Variants in TBL1X observed in about 807,000 individuals in gnomAD.
TBL1X encodes F-box-like/WD repeat-containing protein TBL1X.
Under a neutral mutation model 50.7 loss-of-function variants are expected in TBL1X, and 10 were observed. The ratio of observed to expected loss-of-function variants is 0.20; its 90% CI spans 0.12 to 0.33. The LOEUF is 0.33. TBL1X is among the 10% of genes least tolerant of loss of function. TBL1X has a pLI of 1.00. For synonymous variants in TBL1X, 190 were observed against 214.7 expected (o/e 0.88, Z 1.01); for missense variants, 340 against 504.4 (o/e 0.67, Z 3.12).
Position 9,543,635 on chromosome X carries a change from A to G in TBL1X, c.-131+41786A>G, listed in dbSNP as rs190885760. Among the ~76,000 whole-genome samples the G allele has an allele frequency of 1.3e-4, 15 of 111,708 alleles. No homozygotes were observed. The East Asian group carries it at 3.4e-3, about 25-fold the overall frequency. On this transcript the variant is annotated intron_variant, in intron 2 of 17. Coordinates refer to ENST00000645353, the MANE Select transcript of TBL1X (RefSeq NM_005647.4). Reference sequence around the variant, plus strand: ...CCTTGATGGCTCTCCTGTTTCGGGTATAAGGGATGTTGTCCAAACCATGTG... The same window carrying G: ...CCTTGATGGCTCTCCTGTTTCGGGTGTAAGGGATGTTGTCCAAACCATGTG...
At chrX:9,686,567 C>T (rs1282883438) in intron 6 of TBL1X, among the ~76,000 whole-genome samples, 7 of 112,261 alleles carry the variant, frequency 6.2e-5, no homozygotes, top group Non-Finnish European at 9.4e-5. Context: ...GGTGCAGTGG[C>T]ACATGCTCGT....
intron 2 of TBL1X, among the ~76,000 whole-genome samples, chrX:9,590,910 C>T (rs762470296): frequency 1.9e-5 from 2 of 104,998 alleles, no homozygotes; most frequent in East Asian, 3.0e-4. Flanking sequence ...CACAGAACAG[C>T]GGGCGGACAC....
At chrX:9,654,585 C>T (rs1169733172) in intron 5 of TBL1X, among the ~76,000 whole-genome samples, 3 of 111,335 alleles carry the variant, frequency 2.7e-5, no homozygotes, top group East Asian at 2.8e-4. Context: ...GTGGAAAGGA[C>T]GGAAGCAGTG....
At chrX:9,512,523 T>G (rs1344162950) in intron 2 of TBL1X, among the ~76,000 whole-genome samples, 3 of 109,916 alleles carry the variant, frequency 2.7e-5, no homozygotes, top group Non-Finnish European at 5.7e-5. Flanking sequence ...GGTTTTTTTT[T>G]GGGAGATGGA....
chrX:9,618,787 A>T (rs1395530206), intron 2 of TBL1X, among the ~76,000 whole-genome samples: 1 of 112,791 alleles, frequency 8.9e-6, no homozygotes, highest in Non-Finnish European at 1.9e-5. Flanking sequence ...TAAGAAAAAA[A>T]CTATGTGCAT....
chrX:9,482,176 T>C (rs1196408953), intron 1 of TBL1X, among the ~76,000 whole-genome samples: 1 of 112,437 alleles, frequency 8.9e-6, no homozygotes, highest in Non-Finnish European at 1.9e-5. Context: ...ATTTCTAACT[T>C]GGCCTCAATA....
chrX:9,701,822 G>C (rs1300318283), intron 12 of TBL1X, among the ~76,000 whole-genome samples: 1 of 111,368 alleles, frequency 9.0e-6, no homozygotes, highest in Non-Finnish European at 1.9e-5. Flanking sequence ...TTGCTGTTTA[G>C]CTCAGGCGAT....
Position 9,510,893 on chromosome X carries a change from A to G in TBL1X, c.-131+9044A>G, listed in dbSNP as rs145835219. On this transcript the variant is annotated intron_variant, in intron 2 of 17. Coordinates refer to ENST00000645353, the MANE Select transcript of TBL1X (RefSeq NM_005647.4). ...AAGTTTGGGCTTGCCGGCCTCCACAATTGTGTGAACCAGTTCCTTAGAATC... is the reference window on the plus strand; with the variant it reads ...AAGTTTGGGCTTGCCGGCCTCCACAGTTGTGTGAACCAGTTCCTTAGAATC... 5.1e-3 allele frequency among the ~76,000 whole-genome samples: 569 copies of G among 111,433 alleles called. 1 individual carries two copies. The highest frequency in any genetic ancestry group is 9.0e-3 in the Non-Finnish European group (478 of 53,079).
At chrX:9,487,867 C>T (rs1315969018) in intron 1 of TBL1X, among the ~76,000 whole-genome samples, 4 of 111,048 alleles carry the variant, frequency 3.6e-5, no homozygotes, top group African/African-American at 1.3e-4. Context: ...TGTGGTGTTC[C>T]TTCCAGAGCT....
chrX:9,678,583 A>G (rs768186279), intron 5 of TBL1X, among the ~76,000 whole-genome samples: 2 of 112,712 alleles, frequency 1.8e-5, no homozygotes, highest in African/African-American at 3.2e-5. Context: ...TTAATGTTAC[A>G]AATTGATACC....
intron 1 of TBL1X, among the ~76,000 whole-genome samples, chrX:9,500,373 T>A (rs1332440803): frequency 9.4e-6 from 1 of 106,597 alleles, no homozygotes; most frequent in Non-Finnish European, 1.9e-5. Context: ...GGCAGGCAGA[T>A]CACCTGAGGT....
chrX:9,563,828 GA>G (rs1204025786), intron 2 of TBL1X, among the ~76,000 whole-genome samples: 1 of 112,180 alleles, frequency 8.9e-6, no homozygotes, highest in Non-Finnish European at 1.9e-5. Flanking sequence ...ATCTGAAGAA[GA>G]AAAATTTTAT....
chrX:9,513,037 A>G (rs758697360), intron 2 of TBL1X, among the ~76,000 whole-genome samples: 2 of 110,488 alleles, frequency 1.8e-5, no homozygotes, highest in South Asian at 3.9e-4. Context: ...TATTCCGAGA[A>G]CCAAGCCTTG....
intron 13 of TBL1X, among the ~76,000 whole-genome samples, chrX:9,708,620 G>A (rs767529612): frequency 6.5e-5 from 7 of 107,149 alleles, no homozygotes; most frequent in East Asian, 2.9e-4. Context: ...GGTGGCTCAC[G>A]CCTGTAATCC....
chrX:9,467,773 C>G (rs2081786039), intron 1 of TBL1X, among the ~76,000 whole-genome samples: 1 of 111,910 alleles, frequency 8.9e-6, no homozygotes, highest in Non-Finnish European at 1.9e-5. Context: ...GCTGGCCAGA[C>G]TGGCAAACAT....
intron 5 of TBL1X, among the ~76,000 whole-genome samples, chrX:9,675,459 T>C (rs769458061): frequency 2.2e-4 from 25 of 111,682 alleles, no homozygotes; most frequent in Non-Finnish European, 4.3e-4. Context: ...ACCTGCCTGC[T>C]TGGTGAAAAA....
At chrX:9,707,470 G>A (rs774309968) in intron 13 of TBL1X, among the ~76,000 whole-genome samples, 2 of 112,621 alleles carry the variant, frequency 1.8e-5, no homozygotes, top group Admixed American at 1.9e-4. Context: ...CCTTTAAGTG[G>A]GTCTTAATGT....
intron 2 of TBL1X, among the ~76,000 whole-genome samples, chrX:9,619,255 T>C (rs1171532866): frequency 5.3e-5 from 6 of 112,381 alleles, no homozygotes; most frequent in African/African-American, 1.9e-4. Context: ...TCATAAAAAC[T>C]GATACATACA....
intron 2 of TBL1X, among the ~76,000 whole-genome samples, chrX:9,625,032 A>G (rs750932213): frequency 3.6e-5 from 4 of 112,500 alleles, no homozygotes; most frequent in African/African-American, 6.4e-5. Flanking sequence ...GTTCCATTTG[A>G]AACTACAGCT....
Sources: gnomAD v4.1 joint callset for allele counts (sites outside exome capture counted in the v4.1 genomes callset) on GRCh38, gnomAD v4.1.1 for gene constraint, MANE v1.5 for transcripts, NCBI Gene and HGNC (gene_info 2026-07-23, HGNC 2026-07-21) for gene names.